The following LPCAT2 variants were observed in gnomAD, a reference collection of about 807,000 sequenced individuals.
LPCAT2 encodes lysophosphatidylcholine acyltransferase 2, also known as 1-AGP acyltransferase 11.
LPCAT2 carries 58 observed loss-of-function variants against 64.7 expected under a neutral mutation model. The observed-to-expected ratio is 0.90, with a 90% CI of 0.73 to 1.12. The LOEUF (loss-of-function observed/expected upper bound fraction) is 1.12, where lower values mean the gene tolerates loss of function less well. LPCAT2 is among the 50% of genes most tolerant of loss of function. The pLI, the probability that LPCAT2 is intolerant of heterozygous loss-of-function variation, is 0.00. For synonymous variants in LPCAT2, 252 were observed against 245.3 expected, an observed-to-expected ratio of 1.03 and a Z score of -0.26; for missense variants, 579 against 669.8, an observed-to-expected ratio of 0.86 and a Z score of 1.50.
chr16:55,530,392 T>G (rs1250758077), intron 4 of LPCAT2, among the ~76,000 whole-genome samples: 1 of 151,980 alleles, frequency 6.6e-6, no homozygotes, highest in African/African-American at 2.4e-5. Context: ...TGAAGTATAT[T>G]TAGATAGTGC....
At chr16:55,560,899 T>C (rs2216058) in intron 11 of LPCAT2, among the ~76,000 whole-genome samples, 65,373 of 151,808 alleles carry the variant, frequency 0.43, 14,503 homozygotes, top group East Asian at 0.66. Flanking sequence ...AGTTGTGCAG[T>C]CATCAACTTT....
At chr16:55,513,516 A>C (rs1240708099) in intron 1 of LPCAT2, among the ~76,000 whole-genome samples, 5 of 114,706 alleles carry the variant, frequency 4.4e-5, no homozygotes, top group Non-Finnish European at 1.0e-4. Context: ...AGCAATGAAA[A>C]CAAAAAAAAA....
intron 4 of LPCAT2, among the ~76,000 whole-genome samples, chr16:55,530,223 A>G (rs1963233774): frequency 6.6e-6 from 1 of 152,092 alleles, no homozygotes; most frequent in South Asian, 2.1e-4. Context: ...CTCTAACTCT[A>G]AATTTAATTA....
At chr16:55,550,910 G>A (rs890369463) in intron 10 of LPCAT2, 39 bp from the exon 11 acceptor site, 8 of 1,469,726 alleles carry the variant, frequency 5.4e-6, no homozygotes, top group Non-Finnish European at 7.3e-6. Flanking sequence ...GAATTGTAAA[G>A]GGCTAATAAC....
chr16:55,562,876 T>C lies in LPCAT2; in HGVS notation c.1216-11755T>C, dbSNP rs199577054. ...AACTTCCAATAACCTCTGGAGGACC[T>C]GTACTCTGACTATAACTAGTATTAA... On this transcript the variant is annotated intron_variant, in intron 11 of 13. Coordinates refer to ENST00000262134, the MANE Select transcript of LPCAT2 (RefSeq NM_017839.5). Among the ~76,000 whole-genome samples the C allele has an allele frequency of 2.3e-4, 35 of 152,024 alleles. No individual in the cohort carries two copies. The South Asian group carries it at 3.1e-3, about 14-fold the overall frequency.
intron 11 of LPCAT2, among the ~76,000 whole-genome samples, chr16:55,556,457 C>G (rs1963575482): frequency 6.6e-6 from 1 of 152,102 alleles, no homozygotes; most frequent in Non-Finnish European, 1.5e-5. Flanking sequence ...AGGTGTCAAA[C>G]TATTATAGCT....
At chr16:55,582,661 G>T (rs1963899931) in intron 13 of LPCAT2, among the ~76,000 whole-genome samples, 1 of 151,956 alleles carries the variant, frequency 6.6e-6, no homozygotes, top group South Asian at 2.1e-4. Context: ...AGCACAATAT[G>T]CACAAATTTC....
At chr16:55,509,510 G>A (rs1047787079) in intron 1 of LPCAT2, among the ~76,000 whole-genome samples, 158 bp downstream of exon 1, 2 of 151,012 alleles carry the variant, frequency 1.3e-5, no homozygotes, top group African/African-American at 4.9e-5. Context: ...TCTGAGGAGG[G>A]AGGTGGCCTG....
At chr16:55,532,645 T>TAA (rs35836363) in intron 5 of LPCAT2, 179 bp from the exon 6 acceptor site, 5,600 of 279,284 alleles carry the variant, frequency 0.02, 1 homozygote, top group East Asian at 0.031. Context: ...AGTTCTTAAT[T>TAA]AAAAAAAAAA....
At chr16:55,581,392 A>G (rs1963885283) in intron 13 of LPCAT2, among the ~76,000 whole-genome samples, 1 of 152,230 alleles carries the variant, frequency 6.6e-6, no homozygotes, top group South Asian at 2.1e-4. Flanking sequence ...TAGAAATAAA[A>G]AGTGGTTTAT....
At chr16:55,533,886 G>A (rs1302264376) in intron 6 of LPCAT2, among the ~76,000 whole-genome samples, 1 of 152,056 alleles carries the variant, frequency 6.6e-6, no homozygotes, top group Non-Finnish European at 1.5e-5. Flanking sequence ...TATATTAAAA[G>A]CCAGGATATA....
At chr16:55,534,320 A>G in intron 6 of LPCAT2, 123 bp from the exon 7 acceptor site, 1 of 656,730 alleles carries the variant, frequency 1.5e-6, no homozygotes, top group Non-Finnish European at 2.7e-6. Flanking sequence ...TATTTATTTT[A>G]CTTCTCAACA....
chr16:55,555,428 A>G (rs1963563597), intron 11 of LPCAT2, among the ~76,000 whole-genome samples: 2 of 152,184 alleles, frequency 1.3e-5, no homozygotes, highest in African/African-American at 4.8e-5. Context: ...CAAAGTTGCC[A>G]GTTATAGTCG....
Position 55,579,207 on chromosome 16 carries a change from C to T in LPCAT2, c.1413C>T (p.Leu471=). The T allele has an allele frequency of 1.2e-6, 2 of 1,613,380 alleles. No individual in the cohort carries two copies. Among genetic ancestry groups the T allele is most frequent in the Middle Eastern group, 1.7e-4 (1 of 6,034 alleles). The change falls in exon 13 of 14, where the codon CTC becomes CTT. Residue 471 remains leucine (L), a synonymous_variant. Transcript: ENST00000262134. ...TGCCTGACCTTGATGTTTCTGGTCTCTTCAAGGAAATAGCCCAAGGGGACT... is the reference window on the plus strand; with the variant it reads ...TGCCTGACCTTGATGTTTCTGGTCTTTTCAAGGAAATAGCCCAAGGGGACT... ...LGVPDLDVSG[L]FKEIAQGDSI... is the part of the protein sequence containing the mutation.
In LPCAT2 at chr16:55,583,061, A is replaced by C; in HGVS notation, c.1598A>C (p.Lys533Thr). The stretch of plus-strand genomic sequence containing the variant: ...GCCAGTAATAAAGTCAGCCCTGAAA[A>C]GCATGAAGAGAGTACCTCAGACAAA... ...STASNKVSPE[K>T]HEESTSDKKD... is the part of the protein sequence containing the mutation. The change falls in exon 14 of 14, where the codon AAG becomes ACG. Residue 533 changes from lysine (K) to threonine (T), a missense_variant. Lys to Thr is a moderately conservative substitution (Grantham distance 78, BLOSUM62 -1). Coordinates refer to ENST00000262134, the MANE Select transcript of LPCAT2 (RefSeq NM_017839.5). 1 of 1,613,810 alleles carries C rather than the reference A, an allele frequency of 6.2e-7. No individual in the cohort carries two copies. Among genetic ancestry groups the C allele is most frequent in the Non-Finnish European group, 8.5e-7 (1 of 1,179,788 alleles).
intron 13 of LPCAT2, among the ~76,000 whole-genome samples, chr16:55,580,747 C>T (rs1276970831): frequency 6.6e-6 from 1 of 152,154 alleles, no homozygotes; most frequent in African/African-American, 2.4e-5. Context: ...AGTTACACAG[C>T]AGGAGGTGAG....
intron 1 of LPCAT2, among the ~76,000 whole-genome samples, chr16:55,524,804 A>C (rs1312730323): frequency 1.3e-5 from 2 of 152,026 alleles, no homozygotes; most frequent in Admixed American, 1.3e-4. Flanking sequence ...TGGTTCTACC[A>C]CTTGTGATCT....
At chr16:55,514,890 T>TTGTGTGTGTGTGTGTGTG (rs35295405) in intron 1 of LPCAT2, among the ~76,000 whole-genome samples, 1 of 141,236 alleles carries the variant, frequency 7.1e-6, no homozygotes, top group Admixed American at 7.1e-5. Flanking sequence ...ATGCAATGCA[T>TTGTGTGTGTGTGTGTGTG]TGTGTGTGTG....
chr16:55,581,649 G>A (rs1054125471), intron 13 of LPCAT2, among the ~76,000 whole-genome samples: 2 of 152,154 alleles, frequency 1.3e-5, no homozygotes, highest in Non-Finnish European at 2.9e-5. Flanking sequence ...AAAAGTAAAT[G>A]TATAGAAATA....
Sources: allele counts gnomAD v4.1 joint callset (sites outside exome capture counted in the v4.1 genomes callset), GRCh38; gene constraint gnomAD v4.1.1; transcripts MANE v1.5; gene names NCBI Gene and HGNC (gene_info 2026-07-23, HGNC 2026-07-21).